The following SCN9A variants were observed in gnomAD, a reference collection of about 807,000 sequenced individuals.
SCN9A encodes the protein sodium channel protein type 9 subunit alpha.
A neutral mutation model predicts 187.0 loss-of-function variants in SCN9A; 131 were observed. The ratio of observed to expected loss-of-function variants is 0.70; its 90% CI spans 0.61 to 0.81. The LOEUF is 0.81. Ranked by LOEUF, SCN9A falls within the 30% of genes least tolerant of loss-of-function variation. The pLI is 0.00. For missense variants in SCN9A, 2,252 were observed against 2,396.6 expected (o/e 0.94, Z 1.26); for synonymous variants, 809 against 808.6 (o/e 1.00, Z -0.01).
chr2:166,286,512 T>C lies in SCN9A; in HGVS notation c.1426A>G (p.Arg476Gly). ...TTCTTTTTCTTTCTTCTGTTTCTTC[T>C]TTCTTTAGCACTTTTAGAGCTCAGT... ...SKLSSKSAKE[R>G]RNRRKKKNQK... is the part of the protein sequence containing the mutation. The change falls in exon 11 of 27, where the codon AGA becomes GGA. Residue 476 changes from arginine to glycine, a missense_variant. Arg to Gly is a moderately radical substitution (Grantham distance 125, BLOSUM62 -2). Transcript: ENST00000642356. The C allele has an allele frequency of 3.7e-6, 6 of 1,613,508 alleles. No individual in the cohort carries two copies. The highest frequency in any genetic ancestry group is 5.1e-6 in the Non-Finnish European group (6 of 1,179,740).
At chr2:166,232,780 A>G (rs1695141538) in intron 21 of SCN9A, among the ~76,000 whole-genome samples, 1 of 149,132 alleles carries the variant, frequency 6.7e-6, no homozygotes, top group Admixed American at 6.7e-5. Flanking sequence ...GCATATATAT[A>G]CTAATATGTA....
At chr2:166,336,274 G>A (rs570048995) in intron 1 of SCN9A, among the ~76,000 whole-genome samples, 50 of 152,214 alleles carry the variant, frequency 3.3e-4, no homozygotes, top group Non-Finnish European at 6.8e-4. Context: ...TACTGTCGCA[G>A]AAAAATGGCT....
chr2:166,244,724 T>A (rs1252738355), intron 18 of SCN9A, among the ~76,000 whole-genome samples: 1 of 152,036 alleles, frequency 6.6e-6, no homozygotes, highest in African/African-American at 2.4e-5. Context: ...TGGCCTATTC[T>A]ATCTGGATGG....
intron 20 of SCN9A, among the ~76,000 whole-genome samples, chr2:166,235,819 TG>T (rs1695293613): frequency 6.6e-6 from 1 of 152,150 alleles, no homozygotes; most frequent in Non-Finnish European, 1.5e-5. Context: ...TATTTCAAAT[TG>T]GAGTTGTTTA....
intron 14 of SCN9A, 56 bp downstream of exon 14, chr2:166,280,301 A>G: frequency 1.0e-6 from 1 of 980,156 alleles, no homozygotes; most frequent in East Asian, 2.6e-5. Flanking sequence ...TGAAATGACA[A>G]TGATGACAAC....
In SCN9A at chr2:166,228,834, C is replaced by T. The variant is rs1458573948; in HGVS notation, c.4063G>A (p.Asp1355Asn). ...TGACTTGCAGGAAACCGTGACCCAT[C>T]TGTGGTGTTAATACACTCATAGAAC... is the stretch of plus-strand genomic sequence containing the variant. ...GKFYECINTTDGSRFPASQVP... is the reference protein window; with the variant it reads ...GKFYECINTTNGSRFPASQVP... The change falls in exon 22 of 27, where the codon GAT becomes AAT. Residue 1355 changes from aspartate (D) to asparagine (N), a missense_variant. Transcript: ENST00000642356. 1 of 1,613,966 alleles carries T rather than the reference C, an allele frequency of 6.2e-7. No individual in the cohort carries two copies. Among genetic ancestry groups the T allele is most frequent in the African/African-American group, 1.3e-5 (1 of 75,034 alleles).
chr2:166,339,913 A>T (rs1699720992), intron 1 of SCN9A, among the ~76,000 whole-genome samples: 1 of 152,168 alleles, frequency 6.6e-6, no homozygotes, highest in Non-Finnish European at 1.5e-5. Flanking sequence ...TTATAAGTCC[A>T]AATGTTGGCT....
At chr2:166,224,276 G>T (rs1003737718) in intron 24 of SCN9A, among the ~76,000 whole-genome samples, 1 of 152,054 alleles carries the variant, frequency 6.6e-6, no homozygotes, top group Admixed American at 6.6e-5. Flanking sequence ...TTGAAAATCA[G>T]TGTACACTTT....
chr2:166,364,331 A>G (rs1020508323), intron 1 of SCN9A, among the ~76,000 whole-genome samples: 14 of 152,154 alleles, frequency 9.2e-5, no homozygotes, highest in African/African-American at 3.4e-4. Context: ...TTTAGGGTAT[A>G]CATCCTAAAC....
chr2:166,306,714 T>TAGAC (rs1431583326), intron 3 of SCN9A, 115 bp from the exon 4 acceptor site: 10 of 776,576 alleles, frequency 1.3e-5, no homozygotes, highest in Non-Finnish European at 2.2e-6. Flanking sequence ...AATGAGCTTG[T>TAGAC]AGACTATTTT....
intron 1 of SCN9A, among the ~76,000 whole-genome samples, chr2:166,350,020 T>C (rs1184343375): frequency 6.6e-6 from 1 of 151,606 alleles, no homozygotes; most frequent in Non-Finnish European, 1.5e-5. Context: ...AAAATTAACA[T>C]GCTTGGTCTG....
intron 12 of SCN9A, among the ~76,000 whole-genome samples, chr2:166,282,285 G>C (rs542800085): frequency 6.6e-6 from 1 of 152,250 alleles, no homozygotes; most frequent in South Asian, 2.1e-4. Context: ...CATTAATGAA[G>C]CTCCTGTAAT....
At chr2:166,364,741 T>G (rs1700374207) in intron 1 of SCN9A, among the ~76,000 whole-genome samples, 3 of 152,184 alleles carry the variant, frequency 2.0e-5, no homozygotes, top group South Asian at 4.1e-4. Context: ...GAAAATGTTC[T>G]GAAGATGGAT....
At chr2:166,349,996 AT>A (rs1699996689) in intron 1 of SCN9A, among the ~76,000 whole-genome samples, 1 of 92,580 alleles carries the variant, frequency 1.1e-5, no homozygotes, top group African/African-American at 4.7e-5. Flanking sequence ...AAAATAAAAA[AT>A]AAAAAATAAA....
chr2:166,343,497 A>T (rs938510175), intron 1 of SCN9A, among the ~76,000 whole-genome samples: 2 of 152,166 alleles, frequency 1.3e-5, no homozygotes, highest in African/African-American at 4.8e-5. Context: ...GGACTATAGG[A>T]TGGTATTAAG....
chr2:166,305,954 G>T, intron 4 of SCN9A, 34 bp from the exon 5 acceptor site: 1 of 1,607,636 alleles, frequency 6.2e-7, no homozygotes, highest in Non-Finnish European at 8.5e-7. Flanking sequence ...TACTAGATGT[G>T]AAAAGAATAC....
At chr2:166,267,348 T>C (rs1276886674) in intron 17 of SCN9A, among the ~76,000 whole-genome samples, 5 of 152,042 alleles carry the variant, frequency 3.3e-5, no homozygotes, top group Admixed American at 2.6e-4. Flanking sequence ...TGATATAATA[T>C]AGAAAGTTTA....
chr2:166,328,526 T>G (rs1699421695), intron 1 of SCN9A, among the ~76,000 whole-genome samples: 1 of 152,138 alleles, frequency 6.6e-6, no homozygotes, highest in African/African-American at 2.4e-5. Flanking sequence ...TAATGAAAAG[T>G]TAAAAAGATG....
At chr2:166,342,219 TC>T (rs1306888342) in intron 1 of SCN9A, among the ~76,000 whole-genome samples, 1 of 152,188 alleles carries the variant, frequency 6.6e-6, no homozygotes, top group East Asian at 1.9e-4. Flanking sequence ...TACTTTAAAA[TC>T]GTTTAGAATC....
Sources: allele counts gnomAD v4.1 joint callset (sites outside exome capture counted in the v4.1 genomes callset), GRCh38; gene constraint gnomAD v4.1.1; transcripts MANE v1.5; gene names NCBI Gene and HGNC (gene_info 2026-07-23, HGNC 2026-07-21).